The following ANKRD30B variants were observed in gnomAD, a reference collection of about 807,000 sequenced individuals.
The protein encoded by ANKRD30B is ankyrin repeat domain-containing protein 30B.
ANKRD30B carries 144 observed loss-of-function variants against 202.2 expected under a neutral mutation model. The ratio of observed to expected loss-of-function variants is 0.71; its 90% CI spans 0.62 to 0.82. The LOEUF is 0.82. Among genes scored for constraint, ANKRD30B ranks in the 40% least tolerant of loss-of-function variants. ANKRD30B has a pLI of 0.00. For missense variants in ANKRD30B, 1,487 were observed against 1,669.1 expected (o/e 0.89, Z 1.90); for synonymous variants, 508 against 561.3 (o/e 0.91, Z 1.34).
chr18:14,893,943 G>A, the ANKRD30B span, among the ~76,000 whole-genome samples: 1,628 of 150,562 alleles, frequency 0.011, 24 homozygotes, highest in African/African-American at 0.038. Context: ...TAGCATAATG[G>A]TAGAGTTCAA....
chr18:14,804,704 G>T (rs896474045), intron 24 of ANKRD30B, among the ~76,000 whole-genome samples: 1 of 150,530 alleles, frequency 6.6e-6, no homozygotes, highest in Non-Finnish European at 1.5e-5. Context: ...TTTAGTTAGG[G>T]GAGAAGAAGA....
chr18:14,788,001 A>C (rs748451467), intron 15 of ANKRD30B, among the ~76,000 whole-genome samples: 1 of 152,206 alleles, frequency 6.6e-6, no homozygotes, highest in African/African-American at 2.4e-5. Context: ...AATTTTGTCA[A>C]AAACATGTTG....
chr18:14,763,612 G>GA (rs1299063339), intron 6 of ANKRD30B, 74 bp from the exon 7 acceptor site: 1 of 1,563,228 alleles, frequency 6.4e-7, no homozygotes, highest in Non-Finnish European at 8.7e-7. Context: ...AGAATAAGTA[G>GA]AAGTTTGCCA....
chr18:14,878,697 G>A, the ANKRD30B span, among the ~76,000 whole-genome samples: 1 of 152,158 alleles, frequency 6.6e-6, no homozygotes, highest in Non-Finnish European at 1.5e-5. Flanking sequence ...GACAAAAGGG[G>A]TGCTTCTTTT....
At chr18:14,799,362 C>T (rs541375540) in intron 22 of ANKRD30B, 67 bp downstream of exon 22, 1 of 1,336,542 alleles carries the variant, frequency 7.5e-7, no homozygotes, top group Non-Finnish European at 1.0e-6. Context: ...TGCTGAGCAC[C>T]TTTTTATTCC....
At chr18:14,935,656 T>C in the ANKRD30B span, among the ~76,000 whole-genome samples, 2 of 152,240 alleles carry the variant, frequency 1.3e-5, no homozygotes, top group African/African-American at 4.8e-5. Context: ...GGGTATGGTA[T>C]GTGCATGATG....
chr18:14,931,553 C>T, the ANKRD30B span, among the ~76,000 whole-genome samples: 372 of 152,230 alleles, frequency 2.4e-3, no homozygotes, highest in Non-Finnish European at 4.3e-3. Context: ...CAGTGTAAGG[C>T]GGAGCTGCCC....
At chr18:14,766,472 CAAAAAAAAAAAAA>C (rs1168681924) in intron 7 of ANKRD30B, among the ~76,000 whole-genome samples, 1 of 55,594 alleles carries the variant, frequency 1.8e-5, no homozygotes, top group South Asian at 1.3e-3. Flanking sequence ...GACTCCATCT[CAAAAAAAAAAAAA>C]AAAAAAAAAA....
chr18:14,934,945 C>CACAT, the ANKRD30B span, among the ~76,000 whole-genome samples: 5 of 150,416 alleles, frequency 3.3e-5, no homozygotes, highest in African/African-American at 1.0e-4. Context: ...CACACACACA[C>CACAT]ACACCCCATC....
chr18:14,848,205 G>T (rs1232464253), intron 39 of ANKRD30B, among the ~76,000 whole-genome samples: 1 of 151,866 alleles, frequency 6.6e-6, no homozygotes, highest in African/African-American at 2.4e-5. Flanking sequence ...AATGTCCACT[G>T]TCTAAAAAAT....
intron 30 of ANKRD30B, among the ~76,000 whole-genome samples, chr18:14,819,542 A>C (rs1970300280): frequency 1.3e-5 from 2 of 152,178 alleles, no homozygotes; most frequent in African/African-American, 4.8e-5. Context: ...TTTTTGTATA[A>C]GGTGTAAGGA....
intron 6 of ANKRD30B, among the ~76,000 whole-genome samples, chr18:14,763,005 C>A (rs1434064754): frequency 6.6e-6 from 1 of 152,054 alleles, no homozygotes; most frequent in South Asian, 2.1e-4. Flanking sequence ...AAATAACTGT[C>A]AGGTATCTTT....
At chr18:14,853,347 A>T (rs912853741) in intron 42 of ANKRD30B, among the ~76,000 whole-genome samples, 2 of 152,156 alleles carry the variant, frequency 1.3e-5, no homozygotes, top group African/African-American at 4.8e-5. Flanking sequence ...GTCAGGAGGG[A>T]TGTGGAGACC....
intron 41 of ANKRD30B, among the ~76,000 whole-genome samples, chr18:14,850,768 C>A (rs1400306085): frequency 6.6e-6 from 1 of 151,786 alleles, no homozygotes; most frequent in East Asian, 1.9e-4. Context: ...AAGTAGGGCT[C>A]TCTAGATTTT....
intron 30 of ANKRD30B, among the ~76,000 whole-genome samples, chr18:14,817,656 C>T (rs1033145574): frequency 6.6e-6 from 1 of 152,196 alleles, no homozygotes; most frequent in African/African-American, 2.4e-5. Flanking sequence ...TCTCATGACA[C>T]TCTGCTTTCT....
the ANKRD30B span, among the ~76,000 whole-genome samples, chr18:14,913,098 G>A: frequency 3.3e-5 from 5 of 152,246 alleles, no homozygotes; most frequent in Non-Finnish European, 5.9e-5. Context: ...CCACATTGCA[G>A]GCTCTTTTGG....
chr18:14,754,185 G>C (rs1474977628), intron 3 of ANKRD30B, among the ~76,000 whole-genome samples: 1 of 152,184 alleles, frequency 6.6e-6, no homozygotes. Context: ...CCCATTTAGA[G>C]CAGGAGTGCC....
chr18:14,818,817 A>G (rs1398546272), intron 30 of ANKRD30B, among the ~76,000 whole-genome samples: 1 of 152,056 alleles, frequency 6.6e-6, no homozygotes, highest in Non-Finnish European at 1.5e-5. Flanking sequence ...TGCTGCAATA[A>G]ACATACGTGT....
Position 14,840,697 on chromosome 18 carries a change from T to C in ANKRD30B, c.3079+19T>C. 7.5e-7 allele frequency: 1 copy of C among 1,334,412 alleles called. No homozygotes were observed. The highest frequency in any genetic ancestry group is 1.0e-6 in the Non-Finnish European group (1 of 965,896). The allele number at this position is 1,334,412 out of a possible 1,614,324, so 82.7% of individuals were successfully genotyped here. ...ATAGAAGGTAAGAACCATTTTTTAT[T>C]TAAAACATCTTTTGTCCAAATGTTT... On this transcript the variant is annotated intron_variant, in intron 37 of 43. Transcript: ENST00000690538.
Sources: gnomAD v4.1 joint callset for allele counts (sites outside exome capture counted in the v4.1 genomes callset) on GRCh38, gnomAD v4.1.1 for gene constraint, MANE v1.5 for transcripts, NCBI Gene and HGNC (gene_info 2026-07-23, HGNC 2026-07-21) for gene names.